Variants in CTBP2 observed in about 807,000 individuals in gnomAD.
CTBP2 encodes the protein C-terminal binding protein 2.
In CTBP2, 30 loss-of-function variants were observed where a neutral mutation model predicts 80.3. That is an observed-to-expected ratio of 0.37 (90% confidence interval 0.28 to 0.51). The LOEUF (loss-of-function observed/expected upper bound fraction) is 0.51. Ranked by LOEUF, CTBP2 falls within the 20% of genes least tolerant of loss-of-function variation. The pLI is 0.93. For synonymous variants in CTBP2, 594 were observed against 587.4 expected, an observed-to-expected ratio of 1.01 and a Z score of -0.16; for missense variants, 1,212 against 1,375.3, an observed-to-expected ratio of 0.88 and a Z score of 1.88.
At chr10:125,126,636 G>A (rs530409112) in intron 1 of CTBP2, among the ~76,000 whole-genome samples, 9 of 152,344 alleles carry the variant, frequency 5.9e-5, no homozygotes, top group East Asian at 1.9e-4. Context: ...AGATGTGCTC[G>A]CACCTCCCGG....
At chr10:125,144,030 C>G (rs1383729755) in intron 1 of CTBP2, among the ~76,000 whole-genome samples, 2 of 152,218 alleles carry the variant, frequency 1.3e-5, no homozygotes, top group Non-Finnish European at 2.9e-5. Context: ...AGAAAGCAGT[C>G]ACTCAAACCA....
chr10:125,011,701 C>T (rs902206923), intron 1 of CTBP2, among the ~76,000 whole-genome samples: 2 of 152,228 alleles, frequency 1.3e-5, no homozygotes, highest in African/African-American at 2.4e-5. Flanking sequence ...AGCTGCAGCC[C>T]GCACCCTGCA....
At chr10:125,133,789 A>G (rs115767419) in intron 1 of CTBP2, among the ~76,000 whole-genome samples, 1,562 of 152,350 alleles carry the variant, frequency 0.01, 26 homozygotes, top group African/African-American at 0.035. Flanking sequence ...AAGAGTCTCA[A>G]AGCCTAAAGC....
intron 2 of CTBP2, among the ~76,000 whole-genome samples, chr10:125,096,917 C>G (rs1332422457): frequency 1.3e-5 from 2 of 152,130 alleles, no homozygotes; most frequent in Admixed American, 1.3e-4. Flanking sequence ...AGCGAATTAA[C>G]TCTATTCATC....
chr10:125,113,288 C>A (rs1302367811), intron 1 of CTBP2, among the ~76,000 whole-genome samples: 1 of 152,198 alleles, frequency 6.6e-6, no homozygotes, highest in Non-Finnish European at 1.5e-5. Flanking sequence ...AAACTCCTAT[C>A]CACCCTTCAA....
At chr10:125,146,048 C>T (rs1048742864) in intron 1 of CTBP2, among the ~76,000 whole-genome samples, 22 of 152,116 alleles carry the variant, frequency 1.4e-4, no homozygotes, top group East Asian at 1.2e-3. Flanking sequence ...CTCAGCCTCC[C>T]GATTAGCTGG....
At position 125,027,590 on chromosome 10, in the gene CTBP2, G is replaced by C. The variant is rs1181404134; in HGVS notation, c.170C>G (p.Pro57Arg). ...GGCCACGGGCAGGGCAGCGTCCTGT[G>C]GTCGGTGGTTTGGCTCAAACCAAGT... Residue 57 changes from proline (P) to arginine (R), a missense_variant, in exon 1 of 9, where the codon CCA becomes CGA. By Grantham distance (103) the Pro-to-Arg change is moderately radical. Coordinates refer to ENST00000309035, the MANE Select transcript of CTBP2 (RefSeq NM_022802.3). The C allele has an allele frequency of 6.2e-7, 1 of 1,614,114 alleles. No individual in the cohort carries two copies. Among genetic ancestry groups the C allele is most frequent in the South Asian group, 1.1e-5 (1 of 91,082 alleles).
intron 2 of CTBP2, among the ~76,000 whole-genome samples, chr10:125,055,927 G>A (rs1206769731): frequency 6.6e-6 from 1 of 152,120 alleles, no homozygotes; most frequent in Non-Finnish European, 1.5e-5. Flanking sequence ...AGCACTTTGG[G>A]AGGCCGAGGT....
intron 1 of CTBP2, among the ~76,000 whole-genome samples, chr10:125,010,356 A>G (rs567006890): frequency 3.1e-4 from 47 of 151,752 alleles, no homozygotes; most frequent in African/African-American, 1.1e-3. Flanking sequence ...TGCTGCGTCC[A>G]CTTCTTTGCC....
Position 124,993,959 on chromosome 10 carries a change from G to A in CTBP2, c.2427C>T (p.Asn809=), listed in dbSNP as rs756053963. ...CGTCCACCAGGCCGCCACGGGCTGC[G>A]TTCACAAGGAATGCTCCCTGCCTCA... The change falls in exon 6 of 9, where the codon AAC becomes AAT. Residue 809 remains asparagine, a synonymous_variant. Coordinates refer to ENST00000309035, the MANE Select transcript of CTBP2 (RefSeq NM_022802.3). 2.2e-5 allele frequency: 36 copies of A among 1,614,000 alleles called. No homozygotes were observed. The highest frequency in any genetic ancestry group is 1.0e-4 in the Admixed American group (6 of 60,012).
At chr10:125,049,409 C>A (rs369224799) in intron 2 of CTBP2, among the ~76,000 whole-genome samples, 2 of 152,238 alleles carry the variant, frequency 1.3e-5, no homozygotes, top group Non-Finnish European at 2.9e-5. Flanking sequence ...CACACACGTG[C>A]GGATCCTGGG....
chr10:125,037,124 C>A (rs1268515844), intron 3 of CTBP2, among the ~76,000 whole-genome samples: 7 of 152,194 alleles, frequency 4.6e-5, no homozygotes, highest in Admixed American at 4.6e-4. Context: ...GTAATGCAAA[C>A]TTCTGTTATA....
intron 2 of CTBP2, among the ~76,000 whole-genome samples, chr10:125,098,114 C>A (rs942645793): frequency 8.5e-5 from 13 of 152,208 alleles, no homozygotes; most frequent in African/African-American, 2.4e-4. Flanking sequence ...GAGCGAGACT[C>A]TGTCTCAAAA....
intron 2 of CTBP2, among the ~76,000 whole-genome samples, chr10:125,107,054 G>A (rs980440444): frequency 6.6e-6 from 1 of 152,228 alleles, no homozygotes; most frequent in African/African-American, 2.4e-5. Flanking sequence ...TTATCCTTGG[G>A]GGGTGGAGGG....
chr10:125,064,767 G>C (rs1399409181), intron 2 of CTBP2, among the ~76,000 whole-genome samples: 4 of 152,206 alleles, frequency 2.6e-5, no homozygotes, highest in Non-Finnish European at 4.4e-5. Flanking sequence ...CTGCTTCCCT[G>C]ACTGTGTAGT....
chr10:125,159,219 C>G (rs1449134224), intron 1 of CTBP2, among the ~76,000 whole-genome samples: 1 of 150,678 alleles, frequency 6.6e-6, no homozygotes, highest in Non-Finnish European at 1.5e-5. Context: ...CGCACCGGGT[C>G]CCTGCCGCCC....
At chr10:125,148,271 G>A (rs886893017) in intron 1 of CTBP2, among the ~76,000 whole-genome samples, 2 of 152,190 alleles carry the variant, frequency 1.3e-5, no homozygotes, top group East Asian at 1.9e-4. Flanking sequence ...GTGCGCTGCC[G>A]GGGCCCCTAG....
At position 125,079,213 on chromosome 10, in the gene CTBP2, G is replaced by A. The variant is rs371755359; in HGVS notation, c.-102+31777C>T. Among the ~76,000 whole-genome samples, 20 of 151,276 alleles carry A rather than the reference G, an allele frequency of 1.3e-4. No homozygotes were observed. In the East Asian group the frequency reaches 1.8e-3, roughly 13 times the overall value. On this transcript the variant is annotated intron_variant, in intron 2 of 10. Transcript: ENST00000337195. ...CCCTGATGGGCCACCAGGAGCTTTC[G>A]GGAGCCTGCCCGGGATATCACCCGG...
chr10:124,989,837 T>G, intron 8 of CTBP2, 139 bp from the exon 11 acceptor site: 1 of 759,708 alleles, frequency 1.3e-6, no homozygotes, highest in Non-Finnish European at 2.0e-6. Context: ...CCTTCTGGGC[T>G]CAAGTGATCC....
Sources: gnomAD v4.1 joint callset for allele counts (sites outside exome capture counted in the v4.1 genomes callset) on GRCh38, gnomAD v4.1.1 for gene constraint, MANE v1.5 for transcripts, NCBI Gene and HGNC (gene_info 2026-07-23, HGNC 2026-07-21) for gene names.